Variants in LRP1B observed in about 807,000 individuals in gnomAD.
The protein encoded by LRP1B is low-density lipoprotein receptor-related protein 1B.
In LRP1B, 217 loss-of-function variants were observed where a neutral mutation model predicts 556.6. The observed-to-expected ratio is 0.39, with a 90% CI of 0.35 to 0.44. The LOEUF (loss-of-function observed/expected upper bound fraction) is 0.44. Ranked by LOEUF, LRP1B falls within the 20% of genes least tolerant of loss-of-function variation. LRP1B has a pLI of 1.00. For synonymous variants in LRP1B, 2,047 were observed against 1,865.8 expected (o/e 1.10, Z -2.50); for missense variants, 5,053 against 5,620.8 (o/e 0.90, Z 3.23).
At chr2:141,880,688 C>G (rs1041388812) in intron 1 of LRP1B, among the ~76,000 whole-genome samples, 9 of 151,926 alleles carry the variant, frequency 5.9e-5, no homozygotes, top group Non-Finnish European at 1.2e-4. Flanking sequence ...AATGTTATGT[C>G]ATTTTCACCT....
chr2:140,781,033 G>C lies in LRP1B; in HGVS notation c.5360-4795C>G, dbSNP rs79425009. 4.7e-3 allele frequency among the ~76,000 whole-genome samples: 716 copies of C among 152,222 alleles called. 9 individuals are homozygous for C. Among genetic ancestry groups the C allele is most frequent in the African/African-American group, 0.016 (676 of 41,520 alleles). ...TGGATCATAGTTTTGGGTGGGTAGG[G>C]CTTCTAAGAGTAGCACAAAACCACA... is the stretch of plus-strand genomic sequence containing the variant. On this transcript the variant is annotated intron_variant, in intron 32 of 90. Coordinates refer to ENST00000389484, the MANE Select transcript of LRP1B (RefSeq NM_018557.3).
rs1313322207 is a variant in LRP1B at position 142,048,675 on chromosome 2, C to A, written c.82+81973G>T. 2.0e-5 allele frequency among the ~76,000 whole-genome samples: 3 copies of A among 151,952 alleles called. No individual in the cohort carries two copies. The East Asian group carries it at 5.8e-4, about 29-fold the overall frequency. On this transcript the variant is annotated intron_variant, in intron 1 of 90. Transcript: ENST00000389484. Reference sequence around the variant, plus strand: ...TGTATGTAAAAATTGCATTTTATAGCAAATATTGCTATCGTGGAAAGTCTT... The same window carrying A: ...TGTATGTAAAAATTGCATTTTATAGAAAATATTGCTATCGTGGAAAGTCTT...
At chr2:140,373,903 G>T (rs1683105345) in intron 68 of LRP1B, among the ~76,000 whole-genome samples, 1 of 152,138 alleles carries the variant, frequency 6.6e-6, no homozygotes, top group South Asian at 2.1e-4. Context: ...AATCTGTTTT[G>T]CATGGGCAAA....
intron 2 of LRP1B, among the ~76,000 whole-genome samples, chr2:141,810,040 C>T (rs1466250775): frequency 6.7e-6 from 1 of 149,204 alleles, no homozygotes; most frequent in East Asian, 2.0e-4. Context: ...TTCACATACT[C>T]ATATTTAAAA....
chr2:141,115,250 C>T (rs568244053), intron 7 of LRP1B, among the ~76,000 whole-genome samples: 117 of 152,004 alleles, frequency 7.7e-4, no homozygotes, highest in Middle Eastern at 3.4e-3. Context: ...CTTCATCATT[C>T]CAGACTGTTC....
At chr2:141,591,220 A>G (rs1687322932) in intron 2 of LRP1B, among the ~76,000 whole-genome samples, 1 of 152,090 alleles carries the variant, frequency 6.6e-6, no homozygotes, top group Non-Finnish European at 1.5e-5. Flanking sequence ...CCAGAGCTTC[A>G]TGTAGCTTCT....
At chr2:140,775,156 G>A (rs150996163) in intron 33 of LRP1B, among the ~76,000 whole-genome samples, 31 of 152,146 alleles carry the variant, frequency 2.0e-4, no homozygotes, top group African/African-American at 6.7e-4. Context: ...CCTGTACAGG[G>A]AAGGCAAATC....
intron 43 of LRP1B, among the ~76,000 whole-genome samples, chr2:140,576,809 A>G (rs1481774781): frequency 2.6e-5 from 4 of 152,110 alleles, no homozygotes; most frequent in Middle Eastern, 3.2e-3. Flanking sequence ...GATGGTTGCT[A>G]TTTTATACTC....
At chr2:141,217,589 C>G (rs1028192051) in intron 6 of LRP1B, among the ~76,000 whole-genome samples, 2 of 152,068 alleles carry the variant, frequency 1.3e-5, no homozygotes, top group Non-Finnish European at 1.5e-5. Flanking sequence ...AAAATTAACT[C>G]AAGATGGATT....
At chr2:140,723,331 A>T (rs1241873919) in intron 35 of LRP1B, among the ~76,000 whole-genome samples, 1 of 152,192 alleles carries the variant, frequency 6.6e-6, no homozygotes, top group African/African-American at 2.4e-5. Flanking sequence ...GGAACATCAA[A>T]AACTTGTAAA....
At chr2:140,990,457 G>T (rs538020336) in intron 16 of LRP1B, among the ~76,000 whole-genome samples, 5 of 151,898 alleles carry the variant, frequency 3.3e-5, no homozygotes, top group Non-Finnish European at 7.4e-5. Context: ...AGTGTTTCTT[G>T]GGAATGGAAG....
intron 25 of LRP1B, among the ~76,000 whole-genome samples, chr2:140,874,416 T>G (rs1191160491): frequency 1.3e-5 from 2 of 152,160 alleles, no homozygotes; most frequent in Admixed American, 1.3e-4. Context: ...TCATTAACTT[T>G]TGTTTGTTGT....
chr2:141,371,111 G>C (rs1689216606), intron 3 of LRP1B, among the ~76,000 whole-genome samples: 2 of 152,090 alleles, frequency 1.3e-5, no homozygotes, highest in Admixed American at 6.6e-5. Flanking sequence ...AGCCTCCTGA[G>C]TAGCTGGGAT....
chr2:141,944,402 CA>C (rs1357197011), intron 1 of LRP1B, among the ~76,000 whole-genome samples: 1 of 152,158 alleles, frequency 6.6e-6, no homozygotes, highest in Non-Finnish European at 1.5e-5. Context: ...TATTCCTCTT[CA>C]AAAAGGCATA....
At chr2:140,355,850 T>C (rs918914415) in intron 75 of LRP1B, among the ~76,000 whole-genome samples, 3 of 151,886 alleles carry the variant, frequency 2.0e-5, no homozygotes, top group African/African-American at 7.2e-5. Context: ...CTCAAGTAAG[T>C]TGACAGATTT....
intron 2 of LRP1B, among the ~76,000 whole-genome samples, chr2:141,604,785 G>T (rs141624301): frequency 6.6e-5 from 10 of 152,020 alleles, no homozygotes; most frequent in Non-Finnish European, 1.2e-4. Flanking sequence ...GATCATGCCC[G>T]CATCCCTTCT....
chr2:140,281,164 T>C (rs1214185200), intron 84 of LRP1B, among the ~76,000 whole-genome samples: 2 of 151,914 alleles, frequency 1.3e-5, no homozygotes, highest in African/African-American at 4.8e-5. Flanking sequence ...TACAAGTAAA[T>C]ATATTTTCCT....
chr2:141,586,206 C>T (rs1687131213), intron 2 of LRP1B, among the ~76,000 whole-genome samples: 1 of 152,044 alleles, frequency 6.6e-6, no homozygotes, highest in Non-Finnish European at 1.5e-5. Context: ...TTTTCCAAAT[C>T]CCTTATTTTC....
chr2:141,330,747 CTTTTTTT>C (rs530844983), intron 3 of LRP1B, among the ~76,000 whole-genome samples: 1 of 107,858 alleles, frequency 9.3e-6, no homozygotes. Flanking sequence ...GGCTAACAAA[CTTTTTTT>C]TTTTTTTTTT....
Sources: gnomAD v4.1 joint callset for allele counts (sites outside exome capture counted in the v4.1 genomes callset) on GRCh38, gnomAD v4.1.1 for gene constraint, MANE v1.5 for transcripts, NCBI Gene and HGNC (gene_info 2026-07-23, HGNC 2026-07-21) for gene names.